EVA1C: variants seen among roughly 807,000 people sequenced by gnomAD.
EVA1C encodes eva-1 homolog C.
EVA1C carries 25 observed loss-of-function variants against 45.4 expected under a neutral mutation model. The observed-to-expected ratio is 0.55, with a 90% CI of 0.40 to 0.77. EVA1C has a LOEUF of 0.77. EVA1C is among the 30% of genes least tolerant of loss of function. The probability of loss-of-function intolerance (pLI) is 0.00; values close to 1 mark genes in which losing one functional copy is unlikely to be tolerated. For missense variants in EVA1C, 479 were observed against 554.8 expected (o/e 0.86, Z 1.37); for synonymous variants, 190 against 221.2 (o/e 0.86, Z 1.25).
At chr21:32,500,905 G>A (rs1192922366) in intron 5 of EVA1C, among the ~76,000 whole-genome samples, 3 of 151,940 alleles carry the variant, frequency 2.0e-5, no homozygotes, top group Non-Finnish European at 2.9e-5. Flanking sequence ...TCTGCCTCCC[G>A]TGTTCAAGCA....
intron 4 of EVA1C, among the ~76,000 whole-genome samples, chr21:32,492,233 G>A (rs1412472577): frequency 6.6e-6 from 1 of 152,086 alleles, no homozygotes; most frequent in East Asian, 1.9e-4. Context: ...TTTAGGCACC[G>A]GAAGTTCCAG....
At chr21:32,463,544 G>T (rs1302671475) in intron 3 of EVA1C, among the ~76,000 whole-genome samples, 2 of 152,194 alleles carry the variant, frequency 1.3e-5, no homozygotes, top group Non-Finnish European at 2.9e-5. Context: ...AATGTGACAC[G>T]CACAGGCCCC....
intron 4 of EVA1C, among the ~76,000 whole-genome samples, chr21:32,480,379 T>A (rs186620601): frequency 2.7e-4 from 41 of 150,578 alleles, no homozygotes; most frequent in African/African-American, 9.8e-4. Flanking sequence ...ATTGCTTATT[T>A]AAAATGTTCA....
In EVA1C at chr21:32,412,968, G is replaced by A; in HGVS notation, c.115G>A (p.Val39Ile). 1 of 1,530,074 alleles carries A rather than the reference G, an allele frequency of 6.5e-7. No individual in the cohort carries two copies. The highest frequency in any genetic ancestry group is 8.8e-7 in the Non-Finnish European group (1 of 1,138,360). 94.8% of individuals were successfully genotyped at this position (1,530,074 alleles called of 1,614,324 possible). The part of the protein sequence containing the change: ...GQLLRLFYCT[V>I]LVCSKEISAL... ...GCTCCTGCGCCTCTTCTACTGCACT[G>A]TCCTGGTCTGCTCCAAAGAGATCTC... Residue 39 changes from valine to isoleucine, a missense_variant, in exon 1 of 8, where the codon GTC (valine) becomes ATC (isoleucine). Physicochemically the swap from Val to Ile is conservative, Grantham distance 29. Transcript: ENST00000300255.
At position 32,453,340 on chromosome 21, in the gene EVA1C, C is replaced by T. The variant is rs569578445; in HGVS notation, c.189C>T (p.His63=). Residue 63 remains histidine (H), a synonymous_variant, in exon 2 of 8, where the codon CAC becomes CAT. Transcript: ENST00000300255. ...SGYLTKLLQN[H]TTYACDGDYL... ...ACCTAACCAAACTCCTGCAAAACCA[C>T]ACCACCTATGCCTGTGATGGGGACT... 5 of 1,598,828 alleles carry T rather than the reference C, an allele frequency of 3.1e-6. No individual in the cohort carries two copies. Among genetic ancestry groups the T allele is most frequent in the African/African-American group, 1.3e-5 (1 of 74,812 alleles).
chr21:32,495,916 C>G (rs1241448701), intron 5 of EVA1C, among the ~76,000 whole-genome samples: 1 of 152,186 alleles, frequency 6.6e-6, no homozygotes, highest in Admixed American at 6.5e-5. Flanking sequence ...AACCTGATAC[C>G]TATTCTCTTG....
At chr21:32,508,629 C>T (rs553162376) in intron 7 of EVA1C, among the ~76,000 whole-genome samples, 1 of 152,348 alleles carries the variant, frequency 6.6e-6, no homozygotes, top group South Asian at 2.1e-4. Context: ...TTCTGTCACA[C>T]CCCTAAGTGC....
At chr21:32,441,730 A>G (rs1233137985) in intron 1 of EVA1C, among the ~76,000 whole-genome samples, 1 of 152,226 alleles carries the variant, frequency 6.6e-6, no homozygotes, top group Non-Finnish European at 1.5e-5. Context: ...AAATTATGGG[A>G]CTTGATGAAT....
intron 3 of EVA1C, among the ~76,000 whole-genome samples, chr21:32,467,351 G>C (rs1254701533): frequency 6.6e-6 from 1 of 152,154 alleles, no homozygotes; most frequent in Admixed American, 6.5e-5. Context: ...TTCAGTGAAG[G>C]AATGTGTGAC....
chr21:32,450,372 G>A (rs1237844478), intron 1 of EVA1C, among the ~76,000 whole-genome samples: 1 of 138,210 alleles, frequency 7.2e-6, no homozygotes, highest in African/African-American at 2.9e-5. Flanking sequence ...CTGCTTCTCT[G>A]GAGCCTTGTC....
intron 1 of EVA1C, among the ~76,000 whole-genome samples, chr21:32,444,630 TCATTA>T (rs952562520): frequency 6.6e-5 from 10 of 152,264 alleles, no homozygotes; most frequent in Middle Eastern, 3.4e-3. Context: ...TATAGAAGCA[TCATTA>T]CATAGGCACA....
rs552316239 is a variant in EVA1C at position 32,451,573 on chromosome 21, G to T, written c.161-1739G>T. ...TGCTGCAACCCCTTTCCTAAGCTTGGGTGGCTGAAAACAACAGAAATTCAT... is the reference window on the plus strand; with the variant it reads ...TGCTGCAACCCCTTTCCTAAGCTTGTGTGGCTGAAAACAACAGAAATTCAT... On this transcript the variant is annotated intron_variant, in intron 1 of 7. Coordinates refer to ENST00000300255, the MANE Select transcript of EVA1C (RefSeq NM_058187.5). 2.6e-5 allele frequency among the ~76,000 whole-genome samples: 4 copies of T among 152,228 alleles called. No individual in the cohort carries two copies. The East Asian group carries it at 7.7e-4, about 29-fold the overall frequency.
In EVA1C at chr21:32,474,038, T is replaced by G. The variant is rs2036472189; in HGVS notation, c.634+6190T>G. The G allele has an allele frequency of 1.0e-5, 8 of 764,168 alleles. No individual in the cohort carries two copies. The highest frequency in any genetic ancestry group is 6.7e-4 in the Middle Eastern group (1 of 1,492). The allele number at this position is 764,168 out of a possible 1,614,324, so 47.3% of individuals were successfully genotyped here. A position where few individuals can be genotyped will look rare whatever the true frequency, so the allele number is the denominator to read the frequency against. On this transcript the variant is annotated intron_variant, in intron 4 of 7. Transcript: ENST00000300255. This position sits in a 1 kb window ranked among gnomAD's most constrained non-coding sequence, Gnocchi z 4.4. ...CAACTCATGGGCTCAAGCAATTCTCTCACCTCAGCCTCCTGAGTAGCTGGG... is the reference window on the plus strand; with the variant it reads ...CAACTCATGGGCTCAAGCAATTCTCGCACCTCAGCCTCCTGAGTAGCTGGG...
At chr21:32,477,018 AC>A (rs1164740601) in intron 4 of EVA1C, among the ~76,000 whole-genome samples, 1 of 151,964 alleles carries the variant, frequency 6.6e-6, no homozygotes, top group Admixed American at 6.6e-5. Context: ...GAGCTTCCCA[AC>A]CGCCCCATCA....
intron 5 of EVA1C, among the ~76,000 whole-genome samples, chr21:32,495,667 A>G (rs1488791313): frequency 1.3e-5 from 2 of 152,258 alleles, no homozygotes; most frequent in Non-Finnish European, 2.9e-5. Flanking sequence ...ACCCTAAAAC[A>G]ATAAAAATTG....
chr21:32,475,144 T>G (rs1280673981), intron 4 of EVA1C, among the ~76,000 whole-genome samples: 3 of 152,186 alleles, frequency 2.0e-5, no homozygotes, highest in African/African-American at 7.2e-5. Flanking sequence ...GATTTGTGTA[T>G]TTTTCCTCTT....
intron 4 of EVA1C, among the ~76,000 whole-genome samples, chr21:32,488,413 C>T (rs1229381757): frequency 2.0e-5 from 3 of 152,148 alleles, no homozygotes; most frequent in African/African-American, 7.2e-5. Flanking sequence ...TCTACATTCC[C>T]ACCAATAGTG....
At chr21:32,504,321 G>A (rs1303024046) in intron 7 of EVA1C, among the ~76,000 whole-genome samples, 11 of 152,250 alleles carry the variant, frequency 7.2e-5, no homozygotes, top group South Asian at 2.1e-4. Flanking sequence ...TCTAAAATTC[G>A]GGAAGGAACT....
chr21:32,472,021 T>A (rs73353065), intron 4 of EVA1C, among the ~76,000 whole-genome samples: 1,955 of 152,264 alleles, frequency 0.013, 31 homozygotes, highest in Admixed American at 0.038. Context: ...GTAAGTAACA[T>A]CCCTGTCAGT....
Sources: allele counts gnomAD v4.1 joint callset (sites outside exome capture counted in the v4.1 genomes callset), GRCh38; gene constraint gnomAD v4.1.1; non-coding constraint Gnocchi (gnomAD v3.1); transcripts MANE v1.5; gene names NCBI Gene and HGNC (gene_info 2026-07-23, HGNC 2026-07-21).